RANBP2: variants seen among roughly 807,000 people sequenced by gnomAD.
RANBP2 encodes the protein E3 SUMO-protein ligase RanBP2.
A neutral mutation model predicts 303.6 loss-of-function variants in RANBP2; 57 were observed. The ratio of observed to expected loss-of-function variants is 0.19; its 90% confidence interval spans 0.15 to 0.23. RANBP2 has a LOEUF of 0.23. RANBP2 is among the 10% of genes least tolerant of loss of function. The pLI, the probability that RANBP2 is intolerant of heterozygous loss-of-function variation, is 1.00. For synonymous variants in RANBP2, 1,167 were observed against 1,301.5 expected (o/e 0.90, Z 2.23); for missense variants, 3,138 against 3,780.8 (o/e 0.83, Z 4.46).
At chr2:109,327,953 C>T in the RANBP2 span, among the ~76,000 whole-genome samples, 1 of 152,332 alleles carries the variant, frequency 6.6e-6, no homozygotes, top group African/African-American at 2.4e-5. Flanking sequence ...AGGACAATGA[C>T]CCTGTGTCAG....
chr2:109,126,654 A>G, the RANBP2 span, among the ~76,000 whole-genome samples: 20 of 152,210 alleles, frequency 1.3e-4, no homozygotes, highest in Non-Finnish European at 2.4e-4. Context: ...CTGGTGCAAG[A>G]AAGTGAAGGG....
the RANBP2 span, among the ~76,000 whole-genome samples, chr2:109,550,068 A>T: frequency 6.6e-6 from 1 of 151,894 alleles, no homozygotes; most frequent in South Asian, 2.1e-4. Flanking sequence ...AGGCAGGCGG[A>T]TAACGTGAGG....
chr2:108,960,815 C>T, the RANBP2 span, among the ~76,000 whole-genome samples: 1 of 152,136 alleles, frequency 6.6e-6, no homozygotes, highest in Admixed American at 6.5e-5. Flanking sequence ...ATCCTGTTTG[C>T]TTAATGATTT....
the RANBP2 span, among the ~76,000 whole-genome samples, chr2:109,074,419 G>C: frequency 2.0e-5 from 3 of 150,588 alleles, no homozygotes; most frequent in Non-Finnish European, 4.5e-5. Flanking sequence ...ACTTAAAATG[G>C]CTGAATGTGG....
chr2:108,772,782 C>CATACTA lies in RANBP2; in HGVS notation c.8114-86_8114-85insATACTA. The CATACTA allele has an allele frequency of 4.2e-6, 6 of 1,414,260 alleles. No homozygotes were observed. The South Asian group carries it at 6.0e-5, about 14-fold the overall frequency. 87.6% of individuals were successfully genotyped at this position (1,414,260 alleles called of 1,614,324 possible). ...TATGTACAGGTCTTGTTACCTGGGT[C>CATACTA]TGTGGATTATGTTGATGACTACCAT... On this transcript the variant is annotated intron_variant, in intron 22 of 28. Transcript: ENST00000283195.
chr2:109,055,759 A>ATT, the RANBP2 span, among the ~76,000 whole-genome samples: 12 of 105,214 alleles, frequency 1.1e-4, no homozygotes, highest in South Asian at 6.5e-4. Flanking sequence ...CAGCTCTAAC[A>ATT]TTTTTTTTTT....
At chr2:109,723,347 C>T in the RANBP2 span, among the ~76,000 whole-genome samples, 2 of 151,984 alleles carry the variant, frequency 1.3e-5, no homozygotes, top group East Asian at 3.9e-4. Context: ...GACGTTTCAC[C>T]CTATGTTGGC....
chr2:109,334,192 C>A, the RANBP2 span, among the ~76,000 whole-genome samples: 2 of 151,836 alleles, frequency 1.3e-5, no homozygotes. Flanking sequence ...CCCGTCCCTA[C>A]AAAAAAATAG....
At chr2:109,448,659 C>T in the RANBP2 span, among the ~76,000 whole-genome samples, 1 of 152,164 alleles carries the variant, frequency 6.6e-6, no homozygotes, top group Admixed American at 6.5e-5. Flanking sequence ...AGGGGTCCTA[C>T]TGATTCTATG....
At chr2:109,047,122 G>A in the RANBP2 span, among the ~76,000 whole-genome samples, 1 of 149,670 alleles carries the variant, frequency 6.7e-6, no homozygotes, top group African/African-American at 2.5e-5. Flanking sequence ...TCCTCTGGCA[G>A]CAAAATCCTT....
chr2:109,198,698 A>AT, the RANBP2 span, among the ~76,000 whole-genome samples: 1 of 152,146 alleles, frequency 6.6e-6, no homozygotes, highest in Non-Finnish European at 1.5e-5. Flanking sequence ...TGTCTCTTAA[A>AT]AGGGGACTAA....
the RANBP2 span, among the ~76,000 whole-genome samples, chr2:108,959,262 A>G: frequency 2.0e-5 from 3 of 152,350 alleles, no homozygotes; most frequent in South Asian, 2.1e-4. Flanking sequence ...ATGATGGCCT[A>G]TGAAGCCCTG....
At chr2:108,809,448 T>TTGTGTGTG in the RANBP2 span, among the ~76,000 whole-genome samples, 426 of 141,226 alleles carry the variant, frequency 3.0e-3, 1 homozygote, top group South Asian at 9.5e-3. Context: ...ACATGAAATG[T>TTGTGTGTG]TGTGTGTGTG....
At chr2:109,490,866 TCTC>T in the RANBP2 span, 3 of 1,535,060 alleles carry the variant, frequency 2.0e-6, no homozygotes, top group African/African-American at 2.7e-5. Flanking sequence ...AAACTTCACA[TCTC>T]CTTCCCGGCA....
At chr2:109,091,592 G>A in the RANBP2 span, among the ~76,000 whole-genome samples, 1 of 152,110 alleles carries the variant, frequency 6.6e-6, no homozygotes, top group Non-Finnish European at 1.5e-5. Context: ...GAACCCATTG[G>A]GCAGTTAACA....
chr2:108,842,194 A>T, the RANBP2 span, among the ~76,000 whole-genome samples: 1 of 110,208 alleles, frequency 9.1e-6, no homozygotes, highest in Admixed American at 1.2e-4. Flanking sequence ...CACCTGGCTA[A>T]TTAAAAAGTT....
chr2:108,845,090 A>C, the RANBP2 span, among the ~76,000 whole-genome samples: 1 of 152,016 alleles, frequency 6.6e-6, no homozygotes, highest in African/African-American at 2.4e-5. Flanking sequence ...AAAGTGTAGT[A>C]GTAAAGCATT....
At chr2:109,510,723 G>A in the RANBP2 span, among the ~76,000 whole-genome samples, 1 of 152,226 alleles carries the variant, frequency 6.6e-6, no homozygotes, top group African/African-American at 2.4e-5. Flanking sequence ...CCTGGGCTGG[G>A]GAAGGGCCCC....
At chr2:109,538,240 C>T in the RANBP2 span, among the ~76,000 whole-genome samples, 1 of 152,180 alleles carries the variant, frequency 6.6e-6, no homozygotes, top group Non-Finnish European at 1.5e-5. Flanking sequence ...CCCTCCTGCT[C>T]ACAACCAGAA....
Sources: allele counts gnomAD v4.1 joint callset (sites outside exome capture counted in the v4.1 genomes callset), GRCh38; gene constraint gnomAD v4.1.1; transcripts MANE v1.5; gene names NCBI Gene and HGNC (gene_info 2026-07-23, HGNC 2026-07-21).